Variants in WDSUB1 observed in about 807,000 individuals in gnomAD.
WDSUB1 encodes WD repeat, sterile alpha motif and U-box domain containing 1, also known as WD repeat, SAM and U-box domain-containing protein 1.
WDSUB1 carries 49 observed loss-of-function variants against 53.9 expected under a neutral mutation model. The observed-to-expected ratio is 0.91, with a 90% CI of 0.72 to 1.15. The LOEUF (loss-of-function observed/expected upper bound fraction) is 1.15. Among genes scored for constraint, WDSUB1 ranks in the 50% most tolerant of loss-of-function variants. The pLI is 0.00. For synonymous variants in WDSUB1, 194 were observed against 200.6 expected (o/e 0.97, Z 0.28); for missense variants, 514 against 562.0 (o/e 0.91, Z 0.86).
In WDSUB1 at chr2:159,258,086, T is replaced by C. The variant is rs1032924952; in HGVS notation, c.805-101A>G. On this transcript the variant is annotated intron_variant, in intron 6 of 10. Transcript: ENST00000359774. Reference sequence around the variant, plus strand: ...ATGGGTTGTATACTAAGTGGATATATTAATATTTATTAGTAACTAACATAA... The same window carrying C: ...ATGGGTTGTATACTAAGTGGATATACTAATATTTATTAGTAACTAACATAA... 25 of 957,940 alleles carry C rather than the reference T, an allele frequency of 2.6e-5. No homozygotes were observed. In the African/African-American group the frequency reaches 4.0e-4, roughly 15 times the overall value. The allele number at this position is 957,940 out of a possible 1,614,324, so 59.3% of individuals were successfully genotyped here.
chr2:159,275,806 A>AT (rs1288973712), intron 3 of WDSUB1, among the ~76,000 whole-genome samples, 168 bp from the exon 4 acceptor site: 1 of 152,210 alleles, frequency 6.6e-6, no homozygotes, highest in African/African-American at 2.4e-5. Flanking sequence ...AATTTCTTTT[A>AT]AACAAGGTAC....
At chr2:159,240,297 G>T (rs1041437713) in intron 10 of WDSUB1, among the ~76,000 whole-genome samples, 3 of 152,116 alleles carry the variant, frequency 2.0e-5, no homozygotes, top group Non-Finnish European at 4.4e-5. Context: ...CATCTGGGTT[G>T]TTTCCACCTT....
At chr2:159,272,596 T>A (rs1257768864) in intron 4 of WDSUB1, among the ~76,000 whole-genome samples, 1 of 152,186 alleles carries the variant, frequency 6.6e-6, no homozygotes, top group Non-Finnish European at 1.5e-5. Flanking sequence ...ACTACCAAAA[T>A]TTTTAACTTT....
At chr2:159,260,249 G>A (rs2061160243) in intron 5 of WDSUB1, among the ~76,000 whole-genome samples, 1 of 152,138 alleles carries the variant, frequency 6.6e-6, no homozygotes, top group South Asian at 2.1e-4. Context: ...AGGTTACAAT[G>A]AGCCAAGATC....
chr2:159,257,358 T>C (rs935776079), intron 8 of WDSUB1, among the ~76,000 whole-genome samples: 2 of 151,668 alleles, frequency 1.3e-5, no homozygotes, highest in Admixed American at 6.6e-5. Context: ...ATAAAAGCAA[T>C]GTGAATAACC....
At chr2:159,246,413 CAG>C (rs1225146380) in intron 10 of WDSUB1, among the ~76,000 whole-genome samples, 1 of 123,944 alleles carries the variant, frequency 8.1e-6, no homozygotes, top group African/African-American at 3.1e-5. Flanking sequence ...GCCTGGGCAA[CAG>C]AGCGAGAGTC....
At chr2:159,246,145 A>G (rs1176529144) in intron 10 of WDSUB1, among the ~76,000 whole-genome samples, 1 of 152,198 alleles carries the variant, frequency 6.6e-6, no homozygotes, top group Non-Finnish European at 1.5e-5. Context: ...TAAAAGCACA[A>G]TAAGAGGCCG....
intron 10 of WDSUB1, 27 bp from the exon 11 acceptor site, chr2:159,236,217 CATG>C (rs745801762): frequency 6.3e-7 from 1 of 1,586,344 alleles, no homozygotes. Context: ...ACACAAATTA[CATG>C]ATGTAGGAAA....
intron 5 of WDSUB1, among the ~76,000 whole-genome samples, chr2:159,266,647 T>C (rs904421639): frequency 1.3e-5 from 2 of 152,242 alleles, no homozygotes; most frequent in African/African-American, 4.8e-5. Context: ...TATTCATCTC[T>C]AGACACTAGT....
At chr2:159,278,908 G>T (rs547515636) in intron 3 of WDSUB1, among the ~76,000 whole-genome samples, 1 of 152,100 alleles carries the variant, frequency 6.6e-6, no homozygotes, top group Admixed American at 6.5e-5. Flanking sequence ...GCCATATGTG[G>T]GTATCAAAGA....
chr2:159,243,199 T>C (rs1273695616), intron 10 of WDSUB1, among the ~76,000 whole-genome samples: 2 of 147,812 alleles, frequency 1.4e-5, no homozygotes, highest in Admixed American at 6.6e-5. Context: ...TCTACAGGGA[T>C]TACGCTAAGA....
chr2:159,272,391 CCT>C (rs1397503013), intron 4 of WDSUB1, among the ~76,000 whole-genome samples: 1 of 152,142 alleles, frequency 6.6e-6, no homozygotes, highest in African/African-American at 2.4e-5. Flanking sequence ...TCTGTGCTCT[CCT>C]CTGTTTTGTC....
intron 3 of WDSUB1, 26 bp from the exon 4 acceptor site, chr2:159,275,664 G>T: frequency 6.5e-7 from 1 of 1,546,674 alleles, no homozygotes; most frequent in Non-Finnish European, 8.7e-7. Context: ...AATAAATACA[G>T]AGAATTTGTA....
chr2:159,241,932 A>ACATCCATACCAGGAAATGCTATC (rs1211293765), intron 10 of WDSUB1, among the ~76,000 whole-genome samples: 2 of 147,266 alleles, frequency 1.4e-5, no homozygotes, highest in Non-Finnish European at 2.9e-5. Flanking sequence ...AATTTCGGTA[A>ACATCCATACCAGGAAATGCTATC]CATCCATACC....
chr2:159,277,123 C>T (rs1397104982), intron 3 of WDSUB1, among the ~76,000 whole-genome samples: 1 of 152,222 alleles, frequency 6.6e-6, no homozygotes. Flanking sequence ...GACTCTGCCT[C>T]TTTGAAAGTA....
intron 3 of WDSUB1, 106 bp from the exon 4 acceptor site, chr2:159,275,744 T>A: frequency 1.2e-6 from 1 of 806,436 alleles, no homozygotes; most frequent in South Asian, 2.3e-5. Flanking sequence ...ATTTAAACCA[T>A]GTTCACAAGT....
chr2:159,264,988 G>A (rs900705133), intron 5 of WDSUB1, among the ~76,000 whole-genome samples: 3 of 151,600 alleles, frequency 2.0e-5, no homozygotes, highest in Admixed American at 6.6e-5. Context: ...GGAGGCTGAC[G>A]CAGGAGAAGC....
intron 8 of WDSUB1, among the ~76,000 whole-genome samples, chr2:159,257,420 CTT>C (rs1275412666): frequency 6.9e-6 from 1 of 145,106 alleles, no homozygotes; most frequent in Admixed American, 6.9e-5. Context: ...GAGTTTCACT[CTT>C]GTCGCCCAGG....
intron 5 of WDSUB1, among the ~76,000 whole-genome samples, chr2:159,265,858 C>G (rs951331726): frequency 6.6e-6 from 1 of 152,146 alleles, no homozygotes; most frequent in Non-Finnish European, 1.5e-5. Flanking sequence ...TGGAGAAAGA[C>G]CAAGGGAAAA....
Sources: gnomAD v4.1 joint callset for allele counts (sites outside exome capture counted in the v4.1 genomes callset) on GRCh38, gnomAD v4.1.1 for gene constraint, MANE v1.5 for transcripts, NCBI Gene and HGNC (gene_info 2026-07-23, HGNC 2026-07-21) for gene names.